The following OR4K14 variants were observed in gnomAD, a reference collection of about 807,000 sequenced individuals.
OR4K14 encodes the protein olfactory receptor family 4 subfamily K member 14, also known as olfactory receptor 4K14.
For synonymous variants in OR4K14, 153 were observed against 141.5 expected, an observed-to-expected ratio of 1.08 and a Z score of -0.58; for missense variants, 406 against 373.6, an observed-to-expected ratio of 1.09 and a Z score of -0.72.
rs1412878936 is a variant in OR4K14, at chr14:20,015,119, A to G, written c.75T>C (p.Asn25=). The G allele has an allele frequency of 8.7e-6, 14 of 1,613,968 alleles. No homozygotes were observed. The highest frequency in any genetic ancestry group is 1.1e-5 in the Non-Finnish European group (13 of 1,179,888). ...CCCCAAAGAAAAATATAAAGAAAAA[A>G]TTTTGAAGATGTCGTGAAGTGCAGA... The part of the protein sequence containing the change: ...HGLCTSRHLQ[N]FFFIFFFGVY... Residue 25 remains asparagine (N), a synonymous_variant, in exon 2 of 2, where the codon AAT becomes AAC. Transcript: ENST00000641793.
In OR4K14 at chr14:20,015,200, A is replaced by G; in HGVS notation, c.-7T>C. 6.4e-7 allele frequency: 1 copy of G among 1,568,064 alleles called. No homozygotes were observed. The highest frequency in any genetic ancestry group is 8.7e-7 in the Non-Finnish European group (1 of 1,155,248). On this transcript the variant is annotated 5_prime_UTR_variant, in exon 2 of 2. Coordinates refer to ENST00000641793, the MANE Select transcript of OR4K14 (RefSeq NM_001004712.2). Reference sequence around the variant, plus strand: ...AATAGTTCTGTGGGTCCATTGCCTCAGGTTTCAGACTTTGTTTGTAATCTA... The same window carrying G: ...AATAGTTCTGTGGGTCCATTGCCTCGGGTTTCAGACTTTGTTTGTAATCTA...
At chr14:20,015,703 C>T (rs905142128) in intron 1 of OR4K14, among the ~76,000 whole-genome samples, 3 of 151,960 alleles carry the variant, frequency 2.0e-5, no homozygotes, top group Non-Finnish European at 4.4e-5. Context: ...AGTGAAAATG[C>T]CTGTCAACTG....
intron 1 of OR4K14, among the ~76,000 whole-genome samples, chr14:20,016,814 A>G (rs1167951931): frequency 6.6e-6 from 1 of 152,128 alleles, no homozygotes; most frequent in Non-Finnish European, 1.5e-5. Context: ...ACTGATAATC[A>G]GCCTAACAGA....
intron 1 of OR4K14, 31 bp downstream of exon 1, chr14:20,019,112 T>C (rs1484780189): frequency 6.6e-6 from 1 of 152,042 alleles, no homozygotes. Context: ...CTCATGCATG[T>C]TCATATTTAT....
At chr14:20,018,177 T>C (rs964646447) in intron 1 of OR4K14, among the ~76,000 whole-genome samples, 1 of 152,046 alleles carries the variant, frequency 6.6e-6, no homozygotes. Context: ...GAGAATTTGA[T>C]ATAGTAATAG....
In OR4K14 at chr14:20,014,534, G is replaced by T; in HGVS notation, c.660C>A (p.Thr220=). 2 of 1,614,038 alleles carry T rather than the reference G, an allele frequency of 1.2e-6. No homozygotes were observed. Among genetic ancestry groups the T allele is most frequent in the Non-Finnish European group, 8.5e-7 (1 of 1,179,942 alleles). The change falls in exon 2 of 2, where the codon ACC becomes ACA. Residue 220 remains threonine (T), a synonymous_variant. Coordinates refer to ENST00000641793, the MANE Select transcript of OR4K14 (RefSeq NM_001004712.2). ...GCTGTCTGATAGCGAGGAGGATCAC[G>T]GTGTAGGAGATCAGGAGGAGCAGAA... ...SCFLLLLISY[T]VILLAIRQRA... is the part of the protein sequence containing the mutation.
chr14:20,018,532 A>AT (rs1877144466), intron 1 of OR4K14, among the ~76,000 whole-genome samples: 1 of 152,024 alleles, frequency 6.6e-6, no homozygotes, highest in Non-Finnish European at 1.5e-5. Context: ...TTTTATTGAT[A>AT]TTCTTTTCCT....
At chr14:20,017,466 A>G (rs1877121383) in intron 1 of OR4K14, among the ~76,000 whole-genome samples, 1 of 152,020 alleles carries the variant, frequency 6.6e-6, no homozygotes, top group Non-Finnish European at 1.5e-5. Context: ...TTTTAAATTA[A>G]TTGTATTTGG....
rs747841307 is a variant in OR4K14 at position 20,014,851 on chromosome 14, G to T, written c.343C>A (p.Leu115Ile). The change falls in exon 2 of 2, where the codon CTC becomes ATC. Residue 115 changes from leucine to isoleucine, a missense_variant. Physicochemically the swap from Leu to Ile is conservative, Grantham distance 5. Transcript: ENST00000641793. ...LHFTGGAEMV[L>I]LVSMAYDRYV... ...CTGTCATAGGCCATGGAAACCAGGA[G>T]CACCATCTCAGCCCCACCAGTAAAG... is the stretch of plus-strand genomic sequence containing the variant. 54 of 1,613,974 alleles carry T rather than the reference G, an allele frequency of 3.3e-5. No individual in the cohort carries two copies. Among genetic ancestry groups the T allele is most frequent in the Non-Finnish European group, 4.2e-5 (50 of 1,179,996 alleles).
In OR4K14 at chr14:20,014,441, G is replaced by T. The variant is rs1877043535; in HGVS notation, c.753C>A (p.Phe251Leu). 1 of 1,614,010 alleles carries T rather than the reference G, an allele frequency of 6.2e-7. No homozygotes were observed. Among genetic ancestry groups the T allele is most frequent in the Admixed American group, 1.7e-5 (1 of 59,992 alleles). ...CATAAACAAAAATGCAAGGGCCAAA[G>T]AACAGCGTCACTACCATGATATGTG... ...CSAHIMVVTL[F>L]FGPCIFVYVR... Residue 251 changes from phenylalanine to leucine, a missense_variant, in exon 2 of 2, where the codon TTC becomes TTA. Phe to Leu is a conservative substitution (Grantham distance 22). Coordinates refer to ENST00000641793, the MANE Select transcript of OR4K14 (RefSeq NM_001004712.2).
In OR4K14 at chr14:20,014,744, C is replaced by T. The variant is rs1313008204; in HGVS notation, c.450G>A (p.Trp150Ter). 6.2e-7 allele frequency: 1 copy of T among 1,614,072 alleles called. No homozygotes were observed. Among genetic ancestry groups the T allele is most frequent in the South Asian group, 1.1e-5 (1 of 91,072 alleles). The stretch of plus-strand genomic sequence containing the variant: ...TGATGGAGTGCACAAATCCAACGAC[C>T]CATGAAGCCAGCACCAGCCTGATGC... Reference protein sequence around the residue: ...QTCIRLVLASWVVGFVHSISQ... With the variant: ...QTCIRLVLAS The change falls in exon 2 of 2, where the codon TGG becomes TGA. Residue 150 changes from tryptophan (W) to a stop codon, truncating the protein, a stop_gained. Coordinates refer to ENST00000641793, the MANE Select transcript of OR4K14 (RefSeq NM_001004712.2). LOFTEE classifies it low-confidence loss of function (END_TRUNC).
chr14:20,016,797 A>G (rs1448311389), intron 1 of OR4K14, among the ~76,000 whole-genome samples: 1 of 152,180 alleles, frequency 6.6e-6, no homozygotes, highest in African/African-American at 2.4e-5. Flanking sequence ...AAGAGAGAAG[A>G]GTGTAGACTG....
intron 1 of OR4K14, among the ~76,000 whole-genome samples, chr14:20,016,894 A>AT (rs1877111272): frequency 6.6e-6 from 1 of 151,868 alleles, no homozygotes; most frequent in African/African-American, 2.4e-5. Context: ...ATTATAATTC[A>AT]TTTTTTCTTA....
chr14:20,018,688 G>A (rs754857116), intron 1 of OR4K14, among the ~76,000 whole-genome samples: 6 of 151,928 alleles, frequency 3.9e-5, no homozygotes, highest in Non-Finnish European at 7.4e-5. Context: ...ATTTGCTATT[G>A]AATCAAAGTT....
chr14:20,014,311 T>C lies in OR4K14; in HGVS notation c.883A>G (p.Met295Val), dbSNP rs770054650. 3.8e-5 allele frequency: 61 copies of C among 1,612,216 alleles called. No homozygotes were observed. Among genetic ancestry groups the C allele is most frequent in the Non-Finnish European group, 5.0e-5 (59 of 1,179,390 alleles). Residue 295 changes from methionine (M) to valine (V), a missense_variant, in exon 2 of 2, where the codon ATG becomes GTG. Coordinates refer to ENST00000641793, the MANE Select transcript of OR4K14 (RefSeq NM_001004712.2). Reference protein sequence around the residue: ...PIIYTLRNEEMKAAMKKLQNR... With the variant: ...PIIYTLRNEEVKAAMKKLQNR... ...TGCAGTTTCTTCATAGCTGCTTTCA[T>C]CTCCTCATTTCTCAATGTGTAGATA... is the stretch of plus-strand genomic sequence containing the variant.
rs769689418 is a variant in OR4K14 at position 20,014,860 on chromosome 14, C to T, written c.334G>A (p.Glu112Lys). 1.2e-6 allele frequency: 2 copies of T among 1,614,140 alleles called. No individual in the cohort carries two copies. The highest frequency in any genetic ancestry group is 1.3e-5 in the African/African-American group (1 of 75,038). ...GCCATGGAAACCAGGAGCACCATCT[C>T]AGCCCCACCAGTAAAGTGCAAGAAG... ...IFFLHFTGGA[E>K]MVLLVSMAYD... Residue 112 changes from glutamate (E) to lysine (K), a missense_variant, in exon 2 of 2, where the codon GAG becomes AAG. By Grantham distance (56) the Glu-to-Lys change is moderately conservative (BLOSUM62 1). Transcript: ENST00000641793.
At position 20,014,538 on chromosome 14, in the gene OR4K14, T is replaced by C; in HGVS notation, c.656A>G (p.Tyr219Cys). ...TCTGATAGCGAGGAGGATCACGGTG[T>C]AGGAGATCAGGAGGAGCAGAAAACA... ...LSCFLLLLIS[Y>C]TVILLAIRQR... Residue 219 changes from tyrosine to cysteine, a missense_variant, in exon 2 of 2, where the codon TAC becomes TGC. Tyr to Cys is a radical substitution (Grantham distance 194, BLOSUM62 -2). Coordinates refer to ENST00000641793, the MANE Select transcript of OR4K14 (RefSeq NM_001004712.2). 6.2e-7 allele frequency: 1 copy of C among 1,613,956 alleles called. No individual in the cohort carries two copies. Among genetic ancestry groups the C allele is most frequent in the South Asian group, 1.1e-5 (1 of 91,058 alleles).
chr14:20,015,346 A>G, intron 1 of OR4K14, 124 bp from the exon 2 acceptor site: 1 of 549,326 alleles, frequency 1.8e-6, no homozygotes, highest in Non-Finnish European at 3.1e-6. Context: ...AATCTAAAAA[A>G]GTCAAACTTA....
In OR4K14 at chr14:20,014,182, A is replaced by G. The variant is rs1409663152; in HGVS notation, c.*79T>C. On this transcript the variant is annotated 3_prime_UTR_variant, in exon 2 of 2. Transcript: ENST00000641793. ...TTATATCAATGTAGTGTCAGAATGAAATCTTTGAGCAGAATTATATTAAAG... is the reference window on the plus strand; with the variant it reads ...TTATATCAATGTAGTGTCAGAATGAGATCTTTGAGCAGAATTATATTAAAG... 1.7e-5 allele frequency: 15 copies of G among 902,116 alleles called. No homozygotes were observed. Among genetic ancestry groups the G allele is most frequent in the Non-Finnish European group, 2.2e-5 (13 of 594,500 alleles). The allele number at this position is 902,116 out of a possible 1,614,324, so 55.9% of individuals were successfully genotyped here.
Sources: allele counts gnomAD v4.1 joint callset (sites outside exome capture counted in the v4.1 genomes callset), GRCh38; gene constraint gnomAD v4.1.1; transcripts MANE v1.5; gene names NCBI Gene and HGNC (gene_info 2026-07-23, HGNC 2026-07-21).